The following SIN3A variants were observed in gnomAD, a reference collection of about 807,000 sequenced individuals.
SIN3A encodes SIN3 transcription regulator family member A.
In SIN3A, 14 loss-of-function variants were observed where a neutral mutation model predicts 146.1. The ratio of observed to expected loss-of-function variants is 0.10; its 90% CI spans 0.06 to 0.15. SIN3A has a LOEUF of 0.15. Among genes scored for constraint, SIN3A ranks in the 10% least tolerant of loss-of-function variants. The pLI, the probability that SIN3A is intolerant of heterozygous loss-of-function variation, is 1.00. For synonymous variants in SIN3A, 572 were observed against 572.0 expected, an observed-to-expected ratio of 1.00 and a Z score of 0.00; for missense variants, 1,028 against 1,576.0, an observed-to-expected ratio of 0.65 and a Z score of 5.89.
chr15:75,420,140 C>CGAGGGA (rs1567384042), intron 3 of SIN3A: 1 of 151,868 alleles, frequency 6.6e-6, no homozygotes, highest in East Asian at 1.9e-4. Context: ...ATTAAGGCCC[C>CGAGGGA]GAATCTCCTG....
At chr15:75,442,705 G>A (rs1306610510) in intron 1 of SIN3A, among the ~76,000 whole-genome samples, 1 of 151,432 alleles carries the variant, frequency 6.6e-6, no homozygotes, top group African/African-American at 2.4e-5. Flanking sequence ...CAAGGCAGGT[G>A]GATCACCTGA....
chr15:75,401,232 T>C (rs140322743), intron 10 of SIN3A, among the ~76,000 whole-genome samples: 9 of 152,280 alleles, frequency 5.9e-5, no homozygotes, highest in East Asian at 1.9e-4. Context: ...TTGTCAAATA[T>C]AGTAAAGATT....
intron 6 of SIN3A, 69 bp from the exon 7 acceptor site, chr15:75,410,355 C>A: frequency 6.9e-7 from 1 of 1,444,530 alleles, no homozygotes; most frequent in South Asian, 1.2e-5. Flanking sequence ...TGCACGCTTT[C>A]TGGAATCACT....
At chr15:75,405,354 G>A (rs149128272) in intron 9 of SIN3A, among the ~76,000 whole-genome samples, 9 of 148,738 alleles carry the variant, frequency 6.1e-5, no homozygotes, top group Admixed American at 1.4e-4. Context: ...CAACAAGAGC[G>A]AGACTCTGTC....
At chr15:75,416,299 G>A (rs2073735626) in intron 3 of SIN3A, among the ~76,000 whole-genome samples, 1 of 152,066 alleles carries the variant, frequency 6.6e-6, no homozygotes, top group Non-Finnish European at 1.5e-5. Context: ...ACTTCCTCTT[G>A]GCTTATAGAA....
intron 1 of SIN3A, among the ~76,000 whole-genome samples, chr15:75,437,868 T>A (rs1382295120): frequency 6.6e-6 from 1 of 152,004 alleles, no homozygotes; most frequent in South Asian, 2.1e-4. Context: ...CATTTAAAGG[T>A]CACCTGGTGG....
At chr15:75,444,194 G>A (rs1170400988) in intron 1 of SIN3A, among the ~76,000 whole-genome samples, 3 of 152,202 alleles carry the variant, frequency 2.0e-5, no homozygotes, top group Non-Finnish European at 4.4e-5. Flanking sequence ...GCTGGGCATG[G>A]TGACTCATGC....
At chr15:75,399,344 C>T (rs1595899110) in intron 12 of SIN3A, among the ~76,000 whole-genome samples, 3 of 152,150 alleles carry the variant, frequency 2.0e-5, no homozygotes, top group East Asian at 3.9e-4. Context: ...CTGGCTAACA[C>T]GGTGAAACTC....
intron 16 of SIN3A, among the ~76,000 whole-genome samples, chr15:75,385,564 T>G (rs2073061514): frequency 1.3e-5 from 2 of 152,202 alleles, no homozygotes; most frequent in Admixed American, 6.5e-5. Context: ...AAATGAAACT[T>G]TATCATCAAA....
chr15:75,453,864 G>A (rs1441642833), upstream of SIN3A: 1 of 152,290 alleles, frequency 6.6e-6, no homozygotes, highest in East Asian at 1.9e-4. Flanking sequence ...TCACCCCGAA[G>A]GCTACTAGGT....
intron 1 of SIN3A, among the ~76,000 whole-genome samples, chr15:75,432,685 C>A (rs372416765): frequency 0.015 from 1,265 of 83,940 alleles, no homozygotes; most frequent in Non-Finnish European, 0.017. Context: ...GACTCTGTCT[C>A]AAAAAAAAAA....
rs912326432 is a variant in SIN3A at position 75,399,110 on chromosome 15, T to TG, written c.1854+929dup. 5.6e-4 allele frequency among the ~76,000 whole-genome samples: 74 copies of TG among 133,172 alleles called. 1 individual carries two copies. The highest frequency in any genetic ancestry group is 2.1e-3 in the African/African-American group (73 of 34,718). 87.4% of individuals were successfully genotyped at this position (133,172 alleles called of 152,430 possible). On this transcript the variant is annotated intron_variant, in intron 12 of 20. Coordinates refer to ENST00000394947, the MANE Select transcript of SIN3A (RefSeq NM_001145358.2). ...CCAGCCACTCGGTGGCGGGTAGGGG[T>TG]GGGGGTCTGAGGTGGGAGGATCACA...
intron 9 of SIN3A, among the ~76,000 whole-genome samples, chr15:75,405,750 C>CAAAAAT (rs1208326085): frequency 1.6e-3 from 250 of 152,064 alleles, no homozygotes; most frequent in African/African-American, 4.0e-3. Context: ...GGCTCTGTCT[C>CAAAAAT]AAAAATAAAA....
At chr15:75,394,909 G>C in intron 13 of SIN3A, 46 bp from the exon 14 acceptor site, 1 of 1,541,552 alleles carries the variant, frequency 6.5e-7, no homozygotes, top group Non-Finnish European at 8.8e-7. Context: ...GAATTCAGAG[G>C]GTTTAGAAGA....
intron 5 of SIN3A, 137 bp from the exon 6 acceptor site, chr15:75,411,880 C>T: frequency 1.2e-6 from 1 of 815,350 alleles, no homozygotes; most frequent in Non-Finnish European, 1.9e-6. Context: ...TAGTCCAACA[C>T]AAATCATACT....
Position 75,412,880 on chromosome 15 carries a change from G to T in SIN3A, c.639C>A (p.Thr213=). 6.2e-7 allele frequency: 1 copy of T among 1,613,606 alleles called. No individual in the cohort carries two copies. Among genetic ancestry groups the T allele is most frequent in the Non-Finnish European group, 8.5e-7 (1 of 1,179,806 alleles). The change falls in exon 5 of 21, where the codon ACC becomes ACA. Residue 213 remains threonine (T), a synonymous_variant. Transcript: ENST00000394947. ...TTPGQVHQIP[T]HGIQPQPQPP... ...GTTGAGGCTGTGGCTGGATGCCATG[G>T]GTGGGAATCTGATGAACCTGGCCAG... is the stretch of plus-strand genomic sequence containing the variant.
intron 19 of SIN3A, among the ~76,000 whole-genome samples, chr15:75,380,047 T>C (rs2072936057): frequency 6.6e-6 from 1 of 152,218 alleles, no homozygotes; most frequent in Non-Finnish European, 1.5e-5. Context: ...AAAATGTGCT[T>C]TCTTTCTGAG....
intron 3 of SIN3A, among the ~76,000 whole-genome samples, chr15:75,417,692 CTT>C (rs1440090771): frequency 6.6e-6 from 1 of 152,054 alleles, no homozygotes; most frequent in Non-Finnish European, 1.5e-5. Flanking sequence ...CATAGATAGT[CTT>C]TTGATTTGTT....
In SIN3A at chr15:75,414,043, A is replaced by T. The variant is rs148375543; in HGVS notation, c.473+162T>A. ...ATAGGGATAAAAAAGTCTAGTGGCCATAATTTCCATCAATAAAGGTATGCA... is the reference window on the plus strand; with the variant it reads ...ATAGGGATAAAAAAGTCTAGTGGCCTTAATTTCCATCAATAAAGGTATGCA... On this transcript the variant is annotated intron_variant, in intron 4 of 20. Coordinates refer to ENST00000394947, the MANE Select transcript of SIN3A (RefSeq NM_001145358.2). 4.7e-4 allele frequency among the ~76,000 whole-genome samples: 71 copies of T among 152,372 alleles called. No homozygotes were observed. The Middle Eastern group carries it at 0.01, about 22-fold the overall frequency.
Sources: gnomAD v4.1 joint callset for allele counts (sites outside exome capture counted in the v4.1 genomes callset) on GRCh38, gnomAD v4.1.1 for gene constraint, MANE v1.5 for transcripts, NCBI Gene and HGNC (gene_info 2026-07-23, HGNC 2026-07-21) for gene names.